GPX3: variants seen among roughly 807,000 people sequenced by gnomAD.
GPX3 encodes the protein glutathione peroxidase 3.
Under a neutral mutation model 25.1 loss-of-function variants are expected in GPX3, and 22 were observed. The ratio of observed to expected loss-of-function variants is 0.88; its 90% CI spans 0.63 to 1.25. GPX3 has a LOEUF of 1.25. Among genes scored for constraint, GPX3 ranks in the 50% most tolerant of loss-of-function variants. The pLI, the probability that GPX3 is intolerant of heterozygous loss-of-function variation, is 0.00. For missense variants in GPX3, 278 were observed against 286.6 expected (o/e 0.97, Z 0.22); for synonymous variants, 110 against 114.5 (o/e 0.96, Z 0.25).
At chr5:151,025,245 T>A in intron 1 of GPX3, 95 bp from the exon 2 acceptor site, 1 of 1,008,774 alleles carries the variant, frequency 9.9e-7, no homozygotes, top group Non-Finnish European at 1.4e-6. Context: ...TTTGAGAAAG[T>A]CACTCTCTCT....
intron 1 of GPX3, among the ~76,000 whole-genome samples, chr5:151,023,501 C>T (rs1281450530): frequency 6.6e-6 from 1 of 152,164 alleles, no homozygotes; most frequent in African/African-American, 2.4e-5. Flanking sequence ...TTGCCACACC[C>T]CCAAGCTGAA....
rs1756610472 is a variant in GPX3, at chr5:151,028,708, C to CA, written c.*578_*579insA. On this transcript the variant is annotated 3_prime_UTR_variant, in exon 5 of 5. Coordinates refer to ENST00000388825, the MANE Select transcript of GPX3 (RefSeq NM_002084.5). Reference sequence around the variant, plus strand: ...GGCTACATCCCCACCCCACAGTTCTCCCTGAGAGAGATCAACCTCCCTGAG... The same window carrying CA: ...GGCTACATCCCCACCCCACAGTTCTCACCTGAGAGAGATCAACCTCCCTGAG... 1 of 155,482 alleles carries CA rather than the reference C, an allele frequency of 6.4e-6. No individual in the cohort carries two copies. Among genetic ancestry groups the CA allele is most frequent in the African/African-American group, 2.4e-5 (1 of 41,440 alleles). The allele number at this position is 155,482 out of a possible 1,614,324, so 9.6% of individuals were successfully genotyped here. A position where few individuals can be genotyped will look rare whatever the true frequency, so the allele number is the denominator to read the frequency against.
At chr5:151,025,645 AGAT>A (rs1482854225) in intron 2 of GPX3, 152 bp downstream of exon 2, 2 of 622,088 alleles carry the variant, frequency 3.2e-6, no homozygotes, top group Non-Finnish European at 5.3e-6. Flanking sequence ...GGTTTTGTGA[AGAT>A]GATTATATAA....
rs1410600381 is a variant in GPX3, at chr5:151,025,353, G to A, written c.101G>A (p.Gly34Asp). 2 of 1,595,004 alleles carry A rather than the reference G, an allele frequency of 1.3e-6. No homozygotes were observed. The highest frequency in any genetic ancestry group is 8.6e-7 in the Non-Finnish European group (1 of 1,169,398). The change falls in exon 2 of 5, where the codon GGT becomes GAT. Residue 34 changes from glycine (G) to aspartate (D), a missense_variant. By Grantham distance (94) the Gly-to-Asp change is moderately conservative (BLOSUM62 -1). Coordinates refer to ENST00000388825, the MANE Select transcript of GPX3 (RefSeq NM_002084.5). ...GQEKSKMDCH[G>D]GISGTIYEYG... The stretch of plus-strand genomic sequence containing the variant: ...CCTGTGTTCCAGATGGACTGCCATG[G>A]TGGCATAAGTGGCACCATTTACGAG...
At chr5:151,022,937 G>C (rs1756497925) in intron 1 of GPX3, among the ~76,000 whole-genome samples, 1 of 152,132 alleles carries the variant, frequency 6.6e-6, no homozygotes, top group Non-Finnish European at 1.5e-5. Context: ...TGGCATCAGA[G>C]ACACAGCAAA....
In GPX3 at chr5:151,026,668, G is replaced by A. The variant is rs1199128015; in HGVS notation, c.242-232G>A. 8 of 421,804 alleles carry A rather than the reference G, an allele frequency of 1.9e-5. No individual in the cohort carries two copies. The South Asian group carries it at 2.0e-4, about 10-fold the overall frequency. The allele number at this position is 421,804 out of a possible 1,614,324, so 26.1% of individuals were successfully genotyped here. On this transcript the variant is annotated intron_variant, in intron 2 of 4. Coordinates refer to ENST00000388825, the MANE Select transcript of GPX3 (RefSeq NM_002084.5). ...GGCAGGTGACTGACAGCTGACTTGA[G>A]GAAGGGTATTATTCTTGTCCTCCAA...
chr5:151,027,669 G>A lies in GPX3; in HGVS notation c.459+138G>A, dbSNP rs73270676. On this transcript the variant is annotated intron_variant, in intron 4 of 4. Coordinates refer to ENST00000388825, the MANE Select transcript of GPX3 (RefSeq NM_002084.5). ...GCACCTGACTATTGTTCCAACTAGA[G>A]GGCTCTGCAGACCCTGACTAGGGTC... 5.2e-3 allele frequency: 3,498 copies of A among 678,310 alleles called. 58 individuals are homozygous for A. The highest frequency in any genetic ancestry group is 0.034 in the African/African-American group (1,868 of 55,334). 42.0% of individuals were successfully genotyped at this position (678,310 alleles called of 1,614,324 possible).
chr5:151,020,784 C>A, intron 1 of GPX3, 43 bp downstream of exon 1: 1 of 1,547,374 alleles, frequency 6.5e-7, no homozygotes, highest in Non-Finnish European at 8.9e-7. Context: ...AAAAACCTAG[C>A]CCCTCGGTGT....
intron 4 of GPX3, 23 bp from the exon 5 acceptor site, chr5:151,027,886 C>T: frequency 1.9e-6 from 3 of 1,592,426 alleles, no homozygotes; most frequent in Non-Finnish European, 2.6e-6. Flanking sequence ...GCAAGGTTGA[C>T]ACTCCTCTTA....
At chr5:151,020,999 C>T (rs1247367668) in intron 1 of GPX3, 2 of 505,482 alleles carry the variant, frequency 4.0e-6, no homozygotes, top group Admixed American at 7.3e-5. Context: ...AGGAAGGTCT[C>T]TCTCCCCGAG....
chr5:151,025,518 C>A (rs761543657), intron 2 of GPX3, 25 bp downstream of exon 2: 1 of 1,574,656 alleles, frequency 6.4e-7, no homozygotes, highest in Non-Finnish European at 8.6e-7. Context: ...TTCCTCCCTG[C>A]TTTATTTGGG....
rs1202507110 is a variant in GPX3 at position 151,020,760 on chromosome 5, CG to C, written c.87+24del. The C allele has an allele frequency of 1.2e-6, 2 of 1,606,036 alleles. No individual in the cohort carries two copies. The highest frequency in any genetic ancestry group is 2.2e-5 in the East Asian group (1 of 44,644). Reference sequence around the variant, plus strand: ...GTCGAAGGTGAGTGAGCCTCCGGGCCGGGGGCCGGGAGAAAAAACCTAGCCC... The same window carrying C: ...GTCGAAGGTGAGTGAGCCTCCGGGCCGGGGCCGGGAGAAAAAACCTAGCCC... On this transcript the variant is annotated intron_variant, in intron 1 of 4. Coordinates refer to ENST00000388825, the MANE Select transcript of GPX3 (RefSeq NM_002084.5).
chr5:151,026,756 C>T lies in GPX3; in HGVS notation c.242-144C>T, dbSNP rs926182744. The T allele has an allele frequency of 2.3e-5, 15 of 650,602 alleles. No homozygotes were observed. The Admixed American group carries it at 3.6e-4, about 16-fold the overall frequency. 40.3% of individuals were successfully genotyped at this position (650,602 alleles called of 1,614,324 possible). A position where few individuals can be genotyped will look rare whatever the true frequency, so the allele number is the denominator to read the frequency against. On this transcript the variant is annotated intron_variant, in intron 2 of 4. Coordinates refer to ENST00000388825, the MANE Select transcript of GPX3 (RefSeq NM_002084.5). ...ACCTGAGTCCCAGCATTGCTGTGAA[C>T]TCACTGGTGATCCTGCGCAAGTCCC...
chr5:151,021,408 G>C (rs1322010050), intron 1 of GPX3: 1 of 152,670 alleles, frequency 6.6e-6, no homozygotes, highest in Non-Finnish European at 1.5e-5. Flanking sequence ...GGAGAGTTTG[G>C]GGGTGGGAGT....
rs1310213876 is a variant in GPX3 at position 151,027,890 on chromosome 5, C to T, written c.460-19C>T. On this transcript the variant is annotated intron_variant, in intron 4 of 4. Coordinates refer to ENST00000388825, the MANE Select transcript of GPX3 (RefSeq NM_002084.5). ...GGGGGCCTCAAGCAAGGTTGACACT[C>T]CTCTTATCCCTGCTCTAGAACTCCT... 10 of 1,598,452 alleles carry T rather than the reference C, an allele frequency of 6.3e-6. No individual in the cohort carries two copies. The highest frequency in any genetic ancestry group is 6.9e-6 in the Non-Finnish European group (8 of 1,165,858).
chr5:151,023,853 A>G (rs920444499), intron 1 of GPX3, among the ~76,000 whole-genome samples: 2 of 152,224 alleles, frequency 1.3e-5, no homozygotes, highest in Admixed American at 1.3e-4. Context: ...TAAAGCAGGA[A>G]GTTTGCACCA....
At chr5:151,023,710 T>A (rs1756509509) in intron 1 of GPX3, among the ~76,000 whole-genome samples, 1 of 152,124 alleles carries the variant, frequency 6.6e-6, no homozygotes, top group Non-Finnish European at 1.5e-5. Flanking sequence ...CCCCAGTTTG[T>A]CTGCATTTTA....
chr5:151,024,824 C>T (rs779056836), intron 1 of GPX3, among the ~76,000 whole-genome samples: 1 of 152,170 alleles, frequency 6.6e-6, no homozygotes, highest in Non-Finnish European at 1.5e-5. Flanking sequence ...GTCCATACGG[C>T]CTCTTCCTCC....
In GPX3 at chr5:151,028,140, G is replaced by A. The variant is rs373873682; in HGVS notation, c.*10G>A. On this transcript the variant is annotated 3_prime_UTR_variant, in exon 5 of 5. Coordinates refer to ENST00000388825, the MANE Select transcript of GPX3 (RefSeq NM_002084.5). Reference sequence around the variant, plus strand: ...GGTCAAGAGGAAGTAACTGAAGGCCGTCTCATCCCATGTCCACCATGTAGG... The same window carrying A: ...GGTCAAGAGGAAGTAACTGAAGGCCATCTCATCCCATGTCCACCATGTAGG... The A allele has an allele frequency of 3.2e-5, 49 of 1,555,164 alleles. No individual in the cohort carries two copies. Among genetic ancestry groups the A allele is most frequent in the East Asian group, 1.9e-4 (8 of 41,436 alleles).
Sources: allele counts gnomAD v4.1 joint callset (sites outside exome capture counted in the v4.1 genomes callset), GRCh38; gene constraint gnomAD v4.1.1; transcripts MANE v1.5; gene names NCBI Gene and HGNC (gene_info 2026-07-23, HGNC 2026-07-21).